Variants in ACTR3 observed in about 807,000 individuals in gnomAD.
The protein encoded by ACTR3 is actin related protein 3.
Under a neutral mutation model 56.8 loss-of-function variants are expected in ACTR3, and 12 were observed. The observed-to-expected ratio is 0.21, with a 90% CI of 0.14 to 0.34. The LOEUF (loss-of-function observed/expected upper bound fraction) is 0.34, where lower values mean the gene tolerates loss of function less well. Ranked by LOEUF, ACTR3 falls within the 10% of genes least tolerant of loss-of-function variation. The pLI, the probability that ACTR3 is intolerant of heterozygous loss-of-function variation, is 1.00. For synonymous variants in ACTR3, 162 were observed against 167.4 expected, an observed-to-expected ratio of 0.97 and a Z score of 0.25; for missense variants, 282 against 512.5, an observed-to-expected ratio of 0.55 and a Z score of 4.34.
In ACTR3 at chr2:113,957,485, AG is replaced by A; in HGVS notation, c.*32del. The A allele has an allele frequency of 6.4e-7, 1 of 1,560,510 alleles. No individual in the cohort carries two copies. The highest frequency in any genetic ancestry group is 8.8e-7 in the Non-Finnish European group (1 of 1,132,676). The stretch of plus-strand genomic sequence containing the variant: ...GGCTTCATAGTTATTGGGGTTAGGG[AG>A]GTGGGGAAGAGATAATCTTTCTGAT... On this transcript the variant is annotated 3_prime_UTR_variant, in exon 12 of 12. Coordinates refer to ENST00000263238, the MANE Select transcript of ACTR3 (RefSeq NM_005721.5).
At position 113,934,387 on chromosome 2, in the gene ACTR3, G is replaced by A; in HGVS notation, c.540+1G>A. ...TGGTGTCACTCATGTCATTCCTGTG[G>A]TAAGGCTATTTTACAGTTACTGAAC... On this transcript the variant is annotated splice_donor_variant, in intron 6 of 11. Coordinates refer to ENST00000263238, the MANE Select transcript of ACTR3 (RefSeq NM_005721.5). LOFTEE classifies it high-confidence loss of function. The A allele has an allele frequency of 6.4e-7, 1 of 1,564,248 alleles. No homozygotes were observed. The highest frequency in any genetic ancestry group is 8.7e-7 in the Non-Finnish European group (1 of 1,153,626).
intron 11 of ACTR3, among the ~76,000 whole-genome samples, chr2:113,956,240 CCAT>C (rs1299512160): frequency 2.6e-5 from 4 of 151,584 alleles, no homozygotes; most frequent in African/African-American, 9.7e-5. Flanking sequence ...ATAGAAGAGT[CCAT>C]CAATACTTGG....
intron 4 of ACTR3, among the ~76,000 whole-genome samples, chr2:113,928,621 A>G (rs1188068253): frequency 6.6e-6 from 1 of 152,190 alleles, no homozygotes; most frequent in Non-Finnish European, 1.5e-5. Flanking sequence ...GGTCCCTGTC[A>G]CAGCTACTCA....
chr2:113,929,970 C>T (rs534641362), intron 4 of ACTR3, among the ~76,000 whole-genome samples: 24 of 152,264 alleles, frequency 1.6e-4, no homozygotes, highest in Non-Finnish European at 3.2e-4. Flanking sequence ...TGAGCCACTG[C>T]GCTGCTAGCT....
At position 113,962,285 on chromosome 2, in the gene ACTR3, A is replaced by G. The variant is rs1477892112; in HGVS notation, c.*4830A>G. 1 of 151,986 alleles carries G rather than the reference A, an allele frequency of 6.6e-6. No individual in the cohort carries two copies. Among genetic ancestry groups the G allele is most frequent in the African/African-American group, 2.4e-5 (1 of 41,428 alleles). The allele number at this position is 151,986 out of a possible 1,614,324, so 9.4% of individuals were successfully genotyped here. A position where few individuals can be genotyped will look rare whatever the true frequency, so the allele number is the denominator to read the frequency against. On this transcript the variant is annotated 3_prime_UTR_variant, in exon 12 of 12. Coordinates refer to ENST00000263238, the MANE Select transcript of ACTR3 (RefSeq NM_005721.5). ...CCTTCAGTCATTTCAAAATCTCTGTAGTGTAAATGATCACAGGCTCTAAAT... is the reference window on the plus strand; with the variant it reads ...CCTTCAGTCATTTCAAAATCTCTGTGGTGTAAATGATCACAGGCTCTAAAT...
intron 8 of ACTR3, among the ~76,000 whole-genome samples, chr2:113,947,405 A>T (rs928683210): frequency 1.3e-5 from 2 of 152,232 alleles, no homozygotes; most frequent in South Asian, 4.1e-4. Context: ...TAATCCCAGC[A>T]CTTTGGGAAG....
intron 11 of ACTR3, among the ~76,000 whole-genome samples, chr2:113,956,357 T>C (rs1680213456): frequency 6.6e-6 from 1 of 151,726 alleles, no homozygotes; most frequent in Non-Finnish European, 1.5e-5. Context: ...TTAAATTTAA[T>C]TGGAAGTCAT....
At chr2:113,920,583 C>G (rs1234235384) in intron 3 of ACTR3, among the ~76,000 whole-genome samples, 1 of 152,116 alleles carries the variant, frequency 6.6e-6, no homozygotes, top group Non-Finnish European at 1.5e-5. Context: ...AACACTAGAA[C>G]TTATTCTTGC....
chr2:113,895,486 C>G (rs541063771), intron 1 of ACTR3, among the ~76,000 whole-genome samples: 5 of 150,802 alleles, frequency 3.3e-5, no homozygotes, highest in African/African-American at 1.2e-4. Context: ...AACTGTGCAT[C>G]AGAAACACCC....
intron 5 of ACTR3, among the ~76,000 whole-genome samples, chr2:113,932,623 C>A (rs766540657): frequency 1.3e-5 from 2 of 152,114 alleles, no homozygotes; most frequent in Non-Finnish European, 2.9e-5. Flanking sequence ...TGTGCTGATA[C>A]ATATCTATTC....
chr2:113,906,860 G>T (rs1348397913), intron 1 of ACTR3, among the ~76,000 whole-genome samples: 2 of 152,086 alleles, frequency 1.3e-5, no homozygotes, highest in African/African-American at 4.8e-5. Flanking sequence ...TAGCTTTGTA[G>T]TAACTTTTAA....
intron 1 of ACTR3, among the ~76,000 whole-genome samples, chr2:113,896,294 A>T (rs6542180): frequency 0.46 from 70,078 of 152,094 alleles, 20,086 homozygotes; most frequent in Middle Eastern, 0.66. Context: ...TCAGTTCTTA[A>T]AGAAAGGAAT....
intron 3 of ACTR3, among the ~76,000 whole-genome samples, chr2:113,920,491 T>G (rs1322755378): frequency 6.6e-6 from 1 of 152,266 alleles, no homozygotes; most frequent in Non-Finnish European, 1.5e-5. Context: ...TATTTTTTTG[T>G]GTTGAGAATA....
chr2:113,915,958 A>G (rs1311026849), intron 2 of ACTR3, among the ~76,000 whole-genome samples: 4 of 152,218 alleles, frequency 2.6e-5, no homozygotes, highest in Admixed American at 6.5e-5. Context: ...AGCCTGTGCA[A>G]GTGGTTCAAG....
At chr2:113,913,525 G>T (rs1388733841) in intron 2 of ACTR3, among the ~76,000 whole-genome samples, 2 of 152,090 alleles carry the variant, frequency 1.3e-5, no homozygotes, top group African/African-American at 4.8e-5. Context: ...ACAGTATGGG[G>T]GTATAACTAA....
At chr2:113,913,770 C>T (rs1679352215) in intron 2 of ACTR3, among the ~76,000 whole-genome samples, 2 of 152,100 alleles carry the variant, frequency 1.3e-5, no homozygotes, top group Admixed American at 6.6e-5. Flanking sequence ...TTTGTTTTAT[C>T]CTATTTTTGT....
At chr2:113,900,838 G>A (rs9308688) in intron 1 of ACTR3, among the ~76,000 whole-genome samples, 18,660 of 152,200 alleles carry the variant, frequency 0.12, 1,831 homozygotes, top group African/African-American at 0.27. Flanking sequence ...CAGAGTAGGC[G>A]TCCAGGTTCT....
chr2:113,890,644 TG>T, intron 1 of ACTR3: 10 of 1,251,610 alleles, frequency 8.0e-6, no homozygotes, highest in Non-Finnish European at 9.0e-6. Context: ...ACGGTCGTCT[TG>T]GGGGTGGTCC....
chr2:113,933,072 G>T (rs913679114), intron 5 of ACTR3, among the ~76,000 whole-genome samples: 8 of 152,184 alleles, frequency 5.3e-5, no homozygotes, highest in Admixed American at 3.3e-4. Context: ...ACTTAAAAAA[G>T]AATTGTGTTG....
Sources: allele counts gnomAD v4.1 joint callset (sites outside exome capture counted in the v4.1 genomes callset), GRCh38; gene constraint gnomAD v4.1.1; transcripts MANE v1.5; gene names NCBI Gene and HGNC (gene_info 2026-07-23, HGNC 2026-07-21).